The following XG variants were observed in gnomAD, a reference collection of about 807,000 sequenced individuals.
XG encodes the protein glycoprotein Xg.
A neutral mutation model predicts 25.7 loss-of-function variants in XG; 24 were observed. The observed-to-expected ratio is 0.93, with a 90% CI of 0.68 to 1.31. The LOEUF (loss-of-function observed/expected upper bound fraction) is 1.31. Ranked by LOEUF, XG falls within the 40% of genes most tolerant of loss-of-function variation. XG has a pLI of 0.00. For missense variants in XG, 181 were observed against 187.6 expected, an observed-to-expected ratio of 0.96 and a Z score of 0.21; for synonymous variants, 77 against 69.2, an observed-to-expected ratio of 1.11 and a Z score of -0.56.
chrX:2,771,756 GA>G (rs1362544603), intron 2 of XG, among the ~76,000 whole-genome samples: 1 of 152,206 alleles, frequency 6.6e-6, no homozygotes, highest in East Asian at 1.9e-4. Context: ...AACCAGATCT[GA>G]TCCTAAAAAG....
chrX:2,762,712 C>T (rs2124420050), intron 1 of XG, among the ~76,000 whole-genome samples: 1 of 152,368 alleles, frequency 6.6e-6, no homozygotes, highest in South Asian at 2.1e-4. Flanking sequence ...CCTTCCTTGT[C>T]ACTTTCTGTT....
chrX:2,753,970 T>G (rs1000763021), intron 1 of XG, among the ~76,000 whole-genome samples: 6 of 152,210 alleles, frequency 3.9e-5, no homozygotes, highest in Non-Finnish European at 8.8e-5. Flanking sequence ...GTGTGCTAGA[T>G]GATTTGTCCA....
chrX:2,768,151 C>G (rs2124441484), intron 1 of XG, among the ~76,000 whole-genome samples: 1 of 152,174 alleles, frequency 6.6e-6, no homozygotes, highest in South Asian at 2.1e-4. Context: ...AACACCGAGG[C>G]CTTTGGTTAT....
rs775195937 is a variant in XG at position 2,782,719 on chromosome X, G to A, written c.190+591G>A. ...GTGCAGAGGCTGCAAAATATCTCAA[G>A]CACCGATCTTAGGTTTTACAATAGT... On this transcript the variant is annotated intron_variant, in intron 4 of 10. Transcript: ENST00000644266. Among the ~76,000 whole-genome samples the A allele has an allele frequency of 3.8e-4, 42 of 111,578 alleles. 1 individual carries two copies. Among genetic ancestry groups the A allele is most frequent in the Non-Finnish European group, 5.8e-4 (31 of 53,103 alleles).
intron 4 of XG, among the ~76,000 whole-genome samples, chrX:2,783,428 C>T (rs1189029531): frequency 9.0e-6 from 1 of 111,596 alleles, no homozygotes; most frequent in East Asian, 2.8e-4. Context: ...TAGATTCTGG[C>T]CATTAAAGTT....
intron 1 of XG, 38 bp downstream of exon 1, chrX:2,752,373 C>T: frequency 1.2e-6 from 2 of 1,612,148 alleles, no homozygotes; most frequent in East Asian, 2.2e-5. Flanking sequence ...TCTGCCTGGG[C>T]ATGGATTTTT....
chrX:2,757,816 A>G (rs2050466948), intron 1 of XG, among the ~76,000 whole-genome samples: 1 of 151,260 alleles, frequency 6.6e-6, no homozygotes, highest in Admixed American at 6.6e-5. Context: ...TACTAAAAAT[A>G]CAAAAATTAG....
At chrX:2,783,949 G>A (rs1299654504) in intron 4 of XG, among the ~76,000 whole-genome samples, 6 of 111,368 alleles carry the variant, frequency 5.4e-5, no homozygotes, top group South Asian at 3.8e-4. Flanking sequence ...CACTCCAGCC[G>A]GGGAACAGAA....
In XG at chrX:2,808,195, C is replaced by T; in HGVS notation, c.429C>T (p.His143=). 2.5e-6 allele frequency: 3 copies of T among 1,211,202 alleles called. No individual in the cohort carries two copies. Among genetic ancestry groups the T allele is most frequent in the Non-Finnish European group, 3.4e-6 (3 of 895,282 alleles). Residue 143 remains histidine (H), a synonymous_variant, in exon 9 of 11, where the codon CAC becomes CAT. Coordinates refer to ENST00000644266, the MANE Select transcript of XG (RefSeq NM_001141919.2). ...CTTTTCCGCTTACAGGTGGAGATCA[C>T]CATTCAACGTATGGCAATCCAGAAG... ...SRYGNTYGGD[H]HSTYGNPEGN...
Sources: allele counts gnomAD v4.1 joint callset (sites outside exome capture counted in the v4.1 genomes callset), GRCh38; gene constraint gnomAD v4.1.1; transcripts MANE v1.5; gene names NCBI Gene and HGNC (gene_info 2026-07-23, HGNC 2026-07-21).